PHKA1: variants seen among roughly 807,000 people sequenced by gnomAD.
PHKA1 encodes the protein phosphorylase b kinase regulatory subunit alpha, skeletal muscle isoform.
Under a neutral mutation model 110.2 loss-of-function variants are expected in PHKA1, and 60 were observed. The ratio of observed to expected loss-of-function variants is 0.54; its 90% CI spans 0.44 to 0.68. The LOEUF (loss-of-function observed/expected upper bound fraction) is 0.68, where lower values mean the gene tolerates loss of function less well. Among genes scored for constraint, PHKA1 ranks in the 30% least tolerant of loss-of-function variants. PHKA1 has a pLI of 0.00. For synonymous variants in PHKA1, 316 were observed against 333.6 expected (o/e 0.95, Z 0.58); for missense variants, 801 against 942.5 (o/e 0.85, Z 1.97).
At chrX:72,589,867 G>A (rs2052491979) in intron 29 of PHKA1, among the ~76,000 whole-genome samples, 1 of 110,270 alleles carries the variant, frequency 9.1e-6, no homozygotes, top group African/African-American at 3.3e-5. Context: ...CAACGTACAA[G>A]GGATGTGAAG....
At chrX:72,654,344 C>A (rs781934328) in intron 10 of PHKA1, among the ~76,000 whole-genome samples, 1 of 112,298 alleles carries the variant, frequency 8.9e-6, no homozygotes, top group Non-Finnish European at 1.9e-5. Context: ...ACTGAACTTA[C>A]AAGCTGCAAT....
chrX:72,622,736 T>C (rs2052998263), intron 18 of PHKA1: 1 of 735,720 alleles, frequency 1.4e-6, no homozygotes. Flanking sequence ...TTTCATATTT[T>C]TATGCTTTTT....
chrX:72,709,792 G>C lies in PHKA1; in HGVS notation c.237+2987C>G, dbSNP rs375687605. Reference sequence around the variant, plus strand: ...ATGGTGGCTCACACCTGTAATCCCAGCACTTTGGGAGGCTGAGGTGGGTGA... The same window carrying C: ...ATGGTGGCTCACACCTGTAATCCCACCACTTTGGGAGGCTGAGGTGGGTGA... On this transcript the variant is annotated intron_variant, in intron 2 of 31. Transcript: ENST00000373542. Among the ~76,000 whole-genome samples, 18 of 110,398 alleles carry C rather than the reference G, an allele frequency of 1.6e-4. 1 individual carries two copies. The Admixed American group carries it at 1.7e-3, about 11-fold the overall frequency.
chrX:72,588,742 G>C (rs1286397628), intron 29 of PHKA1, among the ~76,000 whole-genome samples: 1 of 110,675 alleles, frequency 9.0e-6, no homozygotes, highest in Admixed American at 9.6e-5. Flanking sequence ...ATGATAAAGG[G>C]GATATCACCA....
Position 72,644,227 on chromosome X carries a change from G to A in PHKA1, c.1459+135C>T, listed in dbSNP as rs781903836. ...TCAGAATAGAGAAGGTAAGAAAATT[G>A]GATTCTAGAGACTCTAAATTCCTTC... On this transcript the variant is annotated intron_variant, in intron 14 of 31. Transcript: ENST00000373542. 1.6e-5 allele frequency: 11 copies of A among 694,685 alleles called. No homozygotes were observed. In the African/African-American group the frequency reaches 2.0e-4, roughly 12 times the overall value. 57.2% of individuals were successfully genotyped at this position (694,685 alleles called of 1,213,427 possible). A position where few individuals can be genotyped will look rare whatever the true frequency, so the allele number is the denominator to read the frequency against.
rs1391151975 is a variant in PHKA1 at position 72,602,342 on chromosome X, TA to T, written c.2918-70del. 1.1e-5 allele frequency: 7 copies of T among 641,259 alleles called. 1 individual carries two copies. In the South Asian group the frequency reaches 1.4e-4, roughly 13 times the overall value. The allele number at this position is 641,259 out of a possible 1,213,427, so 52.8% of individuals were successfully genotyped here. ...GGTTCAATTTCTTCCCCATCACATT[TA>T]AAAAAAACTTTCATATATATCCTTA... On this transcript the variant is annotated intron_variant, in intron 26 of 31. Transcript: ENST00000373542.
At chrX:72,613,091 C>T (rs2052836577) in intron 21 of PHKA1, among the ~76,000 whole-genome samples, 1 of 111,463 alleles carries the variant, frequency 9.0e-6, no homozygotes, top group Non-Finnish European at 1.9e-5. Context: ...TGAGAGACCT[C>T]AGGTGAGAAC....
At chrX:72,615,196 A>G (rs2052874903) in intron 21 of PHKA1, among the ~76,000 whole-genome samples, 2 of 111,911 alleles carry the variant, frequency 1.8e-5, no homozygotes, top group African/African-American at 6.5e-5. Context: ...ACTTTTCCAG[A>G]CAAACAAAAG....
intron 15 of PHKA1, 124 bp from the exon 16 acceptor site, chrX:72,635,423 TA>T: frequency 1.6e-6 from 1 of 615,344 alleles, no homozygotes; most frequent in South Asian, 2.6e-5. Context: ...CCCCCACATT[TA>T]ATGTCTAATA....
At chrX:72,620,612 A>T (rs994011539) in intron 19 of PHKA1, 113 bp downstream of exon 19, 35 of 567,818 alleles carry the variant, frequency 6.2e-5, no homozygotes, top group Middle Eastern at 5.0e-4. Context: ...GATGCGGGGG[A>T]TAAAGCAGTG....
At chrX:72,610,449 G>T (rs906228927) in intron 22 of PHKA1, among the ~76,000 whole-genome samples, 6 of 111,496 alleles carry the variant, frequency 5.4e-5, no homozygotes, top group African/African-American at 1.6e-4. Context: ...AAATGACAGG[G>T]TTTTACTATT....
chrX:72,650,595 A>G, intron 12 of PHKA1, 127 bp from the exon 13 acceptor site: 1 of 537,073 alleles, frequency 1.9e-6, no homozygotes, highest in Non-Finnish European at 3.2e-6. Flanking sequence ...TAGAAAGGAA[A>G]CAAATGCCTT....
intron 16 of PHKA1, among the ~76,000 whole-genome samples, chrX:72,628,447 T>C (rs2053116872): frequency 9.2e-6 from 1 of 108,598 alleles, no homozygotes; most frequent in African/African-American, 3.3e-5. Context: ...CACAGTGCTT[T>C]TGATATAAAA....
chrX:72,678,143 G>A lies in PHKA1; in HGVS notation c.538-1993C>T, dbSNP rs138601404. ...TCCAATCTTATCTCATATTTTCCCC[G>A]CCATAGCCCTGGAATCAACCACTTT... is the stretch of plus-strand genomic sequence containing the variant. On this transcript the variant is annotated intron_variant, in intron 5 of 31. Coordinates refer to ENST00000373542, the MANE Select transcript of PHKA1 (RefSeq NM_002637.4). 8.1e-5 allele frequency among the ~76,000 whole-genome samples: 9 copies of A among 111,214 alleles called. No individual in the cohort carries two copies. In the East Asian group the frequency reaches 2.0e-3, roughly 24 times the overall value.
intron 28 of PHKA1, chrX:72,599,666 A>G (rs1556239483): frequency 1.5e-5 from 5 of 341,745 alleles, no homozygotes; most frequent in Non-Finnish European, 2.6e-5. Flanking sequence ...AAATAAATGA[A>G]AAGATTCACC....
chrX:72,634,586 GAAAC>G (rs1465871950), intron 16 of PHKA1, among the ~76,000 whole-genome samples: 1 of 108,247 alleles, frequency 9.2e-6, no homozygotes, highest in Non-Finnish European at 1.9e-5. Flanking sequence ...AAAAAAAGAG[GAAAC>G]GTAAGCCAAA....
At position 72,614,282 on chromosome X, in the gene PHKA1, C is replaced by T. The variant is rs186525898; in HGVS notation, c.2370-3098G>A. On this transcript the variant is annotated intron_variant, in intron 21 of 31. Transcript: ENST00000373542. ...GATTGAGTATAGATGATGACATCAA[C>T]GTGAAAGAGAGAGAGAGAGAGATTA... Among the ~76,000 whole-genome samples, 9 of 106,239 alleles carry T rather than the reference C, an allele frequency of 8.5e-5. No individual in the cohort carries two copies. The East Asian group carries it at 1.7e-3, about 20-fold the overall frequency. 92.3% of individuals were successfully genotyped at this position (106,239 alleles called of 115,157 possible). A position where few individuals can be genotyped will look rare whatever the true frequency, so the allele number is the denominator to read the frequency against.
intron 18 of PHKA1, among the ~76,000 whole-genome samples, chrX:72,621,580 C>T (rs183244345): frequency 2.7e-5 from 3 of 111,851 alleles, no homozygotes; most frequent in Non-Finnish European, 5.6e-5. Context: ...GTTAGAAAAA[C>T]ACACTATTCA....
intron 8 of PHKA1, among the ~76,000 whole-genome samples, chrX:72,662,242 C>A: frequency 8.9e-6 from 1 of 111,948 alleles, no homozygotes; most frequent in South Asian, 3.8e-4. Flanking sequence ...ACAGTGCCAT[C>A]TTGAAACTGG....
Sources: allele counts gnomAD v4.1 joint callset (sites outside exome capture counted in the v4.1 genomes callset), GRCh38; gene constraint gnomAD v4.1.1; transcripts MANE v1.5; gene names NCBI Gene and HGNC (gene_info 2026-07-23, HGNC 2026-07-21).